The following GFI1B variants were observed in gnomAD, a reference collection of about 807,000 sequenced individuals.
The protein encoded by GFI1B is zinc finger protein Gfi-1b.
A neutral mutation model predicts 35.3 loss-of-function variants in GFI1B; 20 were observed. That is an observed-to-expected ratio of 0.57 (90% confidence interval 0.40 to 0.82). GFI1B has a LOEUF of 0.82. Among genes scored for constraint, GFI1B ranks in the 40% least tolerant of loss-of-function variants. The pLI is 0.00. For synonymous variants in GFI1B, 178 were observed against 177.6 expected, an observed-to-expected ratio of 1.00 and a Z score of -0.02; for missense variants, 430 against 446.3, an observed-to-expected ratio of 0.96 and a Z score of 0.33.
chr9:132,960,770 A>G (rs1848349871), intron 1 of GFI1B, among the ~76,000 whole-genome samples: 2 of 151,926 alleles, frequency 1.3e-5, no homozygotes, highest in South Asian at 2.1e-4. Flanking sequence ...CCAAAACATT[A>G]GGGTTACAAG....
chr9:132,974,601 CAAAAAAA>C (rs11243966), upstream of GFI1B, among the ~76,000 whole-genome samples: 3 of 79,844 alleles, frequency 3.8e-5, no homozygotes, highest in Middle Eastern at 8.2e-3. Flanking sequence ...GAATCCGTCT[CAAAAAAA>C]AAAAAAAAAA....
Position 132,986,724 on chromosome 9 carries a change from C to T in GFI1B, c.46C>T (p.His16Tyr), listed in dbSNP as rs1849077782. 1 of 1,613,112 alleles carries T rather than the reference C, an allele frequency of 6.2e-7. No individual in the cohort carries two copies. Among genetic ancestry groups the T allele is most frequent in the Non-Finnish European group, 8.5e-7 (1 of 1,179,584 alleles). The change falls in exon 2 of 7, where the codon CAC becomes TAC. Residue 16 changes from histidine to tyrosine, a missense_variant. Coordinates refer to ENST00000372122, the MANE Select transcript of GFI1B (RefSeq NM_001377304.1). ...GAAGAGCAAGAAGGCTCACACCTAC[C>T]ACCAGCCCCGTGTGCAGGAAGATGA... Reference protein sequence around the residue: ...LVKSKKAHTYHQPRVQEDEPL... With the variant: ...LVKSKKAHTYYQPRVQEDEPL...
At chr9:132,973,787 C>T (rs184538669), upstream of GFI1B, among the ~76,000 whole-genome samples, 1 of 152,330 alleles carries the variant, frequency 6.6e-6, no homozygotes, top group Admixed American at 6.5e-5. Flanking sequence ...AAACGCCTCT[C>T]TGGCCTTATT....
At chr9:132,961,194 A>G (rs1431276852) in intron 1 of GFI1B, among the ~76,000 whole-genome samples, 1 of 152,214 alleles carries the variant, frequency 6.6e-6, no homozygotes, top group African/African-American at 2.4e-5. Context: ...AAATGGCTGA[A>G]CAGTCAGAAA....
At chr9:132,986,998 T>A (rs1297651876) in intron 2 of GFI1B, among the ~76,000 whole-genome samples, 1 of 152,224 alleles carries the variant, frequency 6.6e-6, no homozygotes, top group East Asian at 1.9e-4. Context: ...TTGGAGCCAG[T>A]ACTTAGTTAC....
chr9:132,984,919 G>A (rs1430007917), intron 1 of GFI1B, among the ~76,000 whole-genome samples: 1 of 152,188 alleles, frequency 6.6e-6, no homozygotes, highest in Non-Finnish European at 1.5e-5. Flanking sequence ...TTTCCAAGCT[G>A]CATTCTCTAA....
At chr9:132,967,631 C>T (rs988380632) in intron 1 of GFI1B, among the ~76,000 whole-genome samples, 5 of 151,978 alleles carry the variant, frequency 3.3e-5, no homozygotes, top group Non-Finnish European at 5.9e-5. Flanking sequence ...TTCTTAGGTA[C>T]GATAATGACA....
intron 1 of GFI1B, among the ~76,000 whole-genome samples, chr9:132,955,185 C>T (rs954907843): frequency 1.1e-4 from 17 of 152,094 alleles, no homozygotes; most frequent in African/African-American, 3.9e-4. Context: ...AATGAGCATG[C>T]AATAAATTCT....
rs530826104 is a variant in GFI1B, at chr9:132,984,249, C to G, written c.-20-2410C>G. On this transcript the variant is annotated intron_variant, in intron 1 of 6. Coordinates refer to ENST00000372122, the MANE Select transcript of GFI1B (RefSeq NM_001377304.1). ...TGCTCACTGGGTCCCCTCCTCTCCC[C>G]CTAGGGTCTGGCCTCCCCATGGGCT... is the stretch of plus-strand genomic sequence containing the variant. Among the ~76,000 whole-genome samples the G allele has an allele frequency of 7.9e-5, 12 of 152,294 alleles. No individual in the cohort carries two copies. The South Asian group carries it at 8.3e-4, about 11-fold the overall frequency.
intron 1 of GFI1B, among the ~76,000 whole-genome samples, chr9:132,968,148 G>T (rs1286750454): frequency 6.7e-6 from 1 of 149,932 alleles, no homozygotes; most frequent in African/African-American, 2.5e-5. Flanking sequence ...ACAGTGTCTT[G>T]CTCTGTCACC....
At chr9:132,948,000 T>C (rs1192558121) in intron 1 of GFI1B, among the ~76,000 whole-genome samples, 1 of 152,160 alleles carries the variant, frequency 6.6e-6, no homozygotes, top group Non-Finnish European at 1.5e-5. Context: ...AAGTGCATAC[T>C]ACTAAGTTAG....
chr9:132,974,320 A>G (rs1848586974), upstream of GFI1B, among the ~76,000 whole-genome samples: 1 of 152,256 alleles, frequency 6.6e-6, no homozygotes, highest in South Asian at 2.1e-4. Flanking sequence ...GAAGATGGCC[A>G]GGCGCGGTGG....
intron 1 of GFI1B, among the ~76,000 whole-genome samples, chr9:132,984,356 G>T (rs1848945952): frequency 6.6e-6 from 1 of 152,178 alleles, no homozygotes; most frequent in Admixed American, 6.5e-5. Context: ...GAGGCAAGAG[G>T]AGGAAGACGT....
At chr9:132,964,800 C>T (rs952713820) in intron 1 of GFI1B, among the ~76,000 whole-genome samples, 5 of 129,258 alleles carry the variant, frequency 3.9e-5, no homozygotes, top group East Asian at 2.5e-4. Flanking sequence ...AGTGCAGTGG[C>T]GTGATCTCGG....
chr9:132,988,555 C>A, intron 4 of GFI1B, 87 bp downstream of exon 4: 2 of 1,245,038 alleles, frequency 1.6e-6, no homozygotes, highest in Non-Finnish European at 1.1e-6. Flanking sequence ...GTTCTCTGTG[C>A]TGTGAATGTT....
Position 132,979,261 on chromosome 9 carries a change from T to A in GFI1B, c.-21+420T>A, listed in dbSNP as rs1411319154. 1.6e-3 allele frequency among the ~76,000 whole-genome samples: 228 copies of A among 146,062 alleles called. 4 individuals are homozygous for A. Among genetic ancestry groups the A allele is most frequent in the African/African-American group, 4.5e-3 (177 of 39,632 alleles). On this transcript the variant is annotated intron_variant, in intron 1 of 6. Transcript: ENST00000372122. ...TCCTGGGACACTTTTTTTTTTTTTT[T>A]TTTTTTTTTTTTTGAGACAGAGTGA...
At chr9:132,947,318 C>T (rs1043932597) in intron 1 of GFI1B, 1 of 150,324 alleles carries the variant, frequency 6.7e-6, no homozygotes, top group South Asian at 2.1e-4. Flanking sequence ...CAGGCCACAG[C>T]AGGTGGACCA....
intron 1 of GFI1B, among the ~76,000 whole-genome samples, chr9:132,959,144 C>T (rs1272215217): frequency 6.6e-6 from 1 of 152,182 alleles, no homozygotes. Context: ...CAAATCTCAT[C>T]TTGAACGGTA....
upstream of GFI1B, among the ~76,000 whole-genome samples, chr9:132,977,878 G>A (rs1848677217): frequency 6.6e-6 from 1 of 152,334 alleles, no homozygotes; most frequent in South Asian, 2.1e-4. Context: ...CTGTATGGCA[G>A]CTTCAGCAGG....
Sources: allele counts gnomAD v4.1 joint callset (sites outside exome capture counted in the v4.1 genomes callset), GRCh38; gene constraint gnomAD v4.1.1; transcripts MANE v1.5; gene names NCBI Gene and HGNC (gene_info 2026-07-23, HGNC 2026-07-21).